SYT6: variants seen among roughly 807,000 people sequenced by gnomAD.
The protein encoded by SYT6 is synaptotagmin-6.
Under a neutral mutation model 38.4 loss-of-function variants are expected in SYT6, and 24 were observed. That is an observed-to-expected ratio of 0.62 (90% confidence interval 0.45 to 0.88). The LOEUF (loss-of-function observed/expected upper bound fraction) is 0.88, where lower values mean the gene tolerates loss of function less well. Ranked by LOEUF, SYT6 falls within the 40% of genes least tolerant of loss-of-function variation. SYT6 has a pLI of 0.00. For synonymous variants in SYT6, 265 were observed against 241.9 expected (o/e 1.10, Z -0.89); for missense variants, 611 against 621.0 (o/e 0.98, Z 0.17).
At chr1:114,111,780 G>C (rs1321676167) in intron 3 of SYT6, among the ~76,000 whole-genome samples, 1 of 61,336 alleles carries the variant, frequency 1.6e-5, no homozygotes, top group Non-Finnish European at 4.1e-5. Context: ...TGCAGGAGGA[G>C]AGTGGAGACT....
intron 3 of SYT6, among the ~76,000 whole-genome samples, chr1:114,111,936 C>T (rs185335497): frequency 6.6e-6 from 1 of 152,280 alleles, no homozygotes; most frequent in African/African-American, 2.4e-5. Flanking sequence ...TGATTCCCTG[C>T]TCCGCCTCAG....
chr1:114,099,167 C>T lies in SYT6; in HGVS notation c.1291G>A (p.Ala431Thr). ...TCCGGGGGAATGTCAAAGATGATGG[C>T]CTCATTGTAGACAGGATTGAGAGTG... Reference protein sequence around the residue: ...KNTLNPVYNEAIIFDIPPENM... With the variant: ...KNTLNPVYNETIIFDIPPENM... The change falls in exon 5 of 8, where the codon GCC (alanine) becomes ACC (threonine). Residue 431 changes from alanine (A) to threonine (T), a missense_variant. Ala to Thr is a moderately conservative substitution (Grantham distance 58, BLOSUM62 0). Transcript: ENST00000610222. 2 of 1,614,096 alleles carry T rather than the reference C, an allele frequency of 1.2e-6. No homozygotes were observed. The highest frequency in any genetic ancestry group is 1.7e-5 in the Admixed American group (1 of 60,026).
chr1:114,118,892 C>A (rs115934394), intron 3 of SYT6, among the ~76,000 whole-genome samples: 17 of 152,314 alleles, frequency 1.1e-4, no homozygotes, highest in African/African-American at 3.6e-4. Context: ...ACCCAGGCCC[C>A]TTTCTTCCAG....
At chr1:114,125,135 T>C (rs2101050593) in intron 3 of SYT6, among the ~76,000 whole-genome samples, 1 of 152,320 alleles carries the variant, frequency 6.6e-6, no homozygotes, top group South Asian at 2.1e-4. Context: ...GAAGAAAACA[T>C]AAAATATCTC....
intron 1 of SYT6, among the ~76,000 whole-genome samples, chr1:114,152,004 C>A (rs532104130): frequency 1.3e-5 from 2 of 152,258 alleles, no homozygotes; most frequent in South Asian, 2.1e-4. Flanking sequence ...GGGACAGCAG[C>A]GCCTCCTACG....
At chr1:114,150,486 T>G (rs1358264226) in intron 1 of SYT6, among the ~76,000 whole-genome samples, 1 of 152,060 alleles carries the variant, frequency 6.6e-6, no homozygotes, top group Non-Finnish European at 1.5e-5. Flanking sequence ...TCACATAAAT[T>G]TCATGGCCAC....
rs1301914476 is a variant in SYT6 at position 114,137,860 on chromosome 1, T to A, written c.706A>T (p.Ser236Cys). 1 of 1,613,884 alleles carries A rather than the reference T, an allele frequency of 6.2e-7. No homozygotes were observed. Among genetic ancestry groups the A allele is most frequent in the East Asian group, 2.2e-5 (1 of 44,866 alleles). ...TCGGTCTCGTAATCGTAGCGTAGGCTGAAGTTGATCTTCCCGCAGCTCTTG... is the reference window on the plus strand; with the variant it reads ...TCGGTCTCGTAATCGTAGCGTAGGCAGAAGTTGATCTTCCCGCAGCTCTTG... Reference protein sequence around the residue: ...ATKSCGKINFSLRYDYETETL... With the variant: ...ATKSCGKINFCLRYDYETETL... Residue 236 changes from serine (S) to cysteine (C), a missense_variant, in exon 3 of 8, where the codon AGC becomes TGC. Physicochemically the swap from Ser to Cys is moderately radical, Grantham distance 112 (BLOSUM62 -1). Coordinates refer to ENST00000610222, the MANE Select transcript of SYT6 (RefSeq NM_001253772.2).
Position 114,153,644 on chromosome 1 carries a change from C to A in SYT6, c.129G>T (p.Gln43His). The change falls in exon 1 of 8, where the codon CAG becomes CAT. Residue 43 changes from glutamine (Q) to histidine (H), a missense_variant. Transcript: ENST00000610222. Reference sequence around the variant, plus strand: ...CCGCGCTGGGACTCCGCTCTGGGGGCTGCAGCTCGAAGCTCCGACAAGTCT... The same window carrying A: ...CCGCGCTGGGACTCCGCTCTGGGGGATGCAGCTCGAAGCTCCGACAAGTCT... ...DVETCRSFEL[Q>H]PPERSPSAAG... 1 of 648,058 alleles carries A rather than the reference C, an allele frequency of 1.5e-6. No individual in the cohort carries two copies. The allele number at this position is 648,058 out of a possible 1,614,324, so 40.1% of individuals were successfully genotyped here.
Position 114,097,814 on chromosome 1 carries a change from C to T in SYT6, c.1428G>A (p.Arg476=), listed in dbSNP as rs1223441385. 3 of 1,614,046 alleles carry T rather than the reference C, an allele frequency of 1.9e-6. No homozygotes were observed. The highest frequency in any genetic ancestry group is 2.2e-5 in the East Asian group (1 of 44,856). Residue 476 remains arginine (R), a synonymous_variant, in exon 6 of 8, where the codon AGG becomes AGA. Transcript: ENST00000610222. The part of the protein sequence containing the change: ...RVGITAEGLG[R]DHWNEMLAYP... ...ATGCCAGCATCTCGTTCCAGTGGTCCCTGCCCAGGCCTTCAGCAGTGATCC... is the reference window on the plus strand; with the variant it reads ...ATGCCAGCATCTCGTTCCAGTGGTCTCTGCCCAGGCCTTCAGCAGTGATCC...
chr1:114,143,387 AAGT>A (rs1223985144), intron 1 of SYT6, among the ~76,000 whole-genome samples: 1 of 148,834 alleles, frequency 6.7e-6, no homozygotes, highest in African/African-American at 2.4e-5. Context: ...TATAGTATAA[AAGT>A]AGTATAGTAT....
At chr1:114,102,189 T>A (rs1676013810) in intron 4 of SYT6, among the ~76,000 whole-genome samples, 4 of 152,356 alleles carry the variant, frequency 2.6e-5, no homozygotes, top group South Asian at 4.1e-4. Flanking sequence ...GAGTCTTCAG[T>A]GAATTTTCTT....
rs1390498557 is a variant in SYT6 at position 114,146,401 on chromosome 1, C to T, written c.164-6438G>A. Among the ~76,000 whole-genome samples, 3 of 152,332 alleles carry T rather than the reference C, an allele frequency of 2.0e-5. No homozygotes were observed. The East Asian group carries it at 5.8e-4, about 29-fold the overall frequency. On this transcript the variant is annotated intron_variant, in intron 1 of 7. Transcript: ENST00000610222. ...GGCCCAGATAACCTAAGCTGTATGC[C>T]TTCCCACTCTGGGCTTGCTGGGGCC...
intron 3 of SYT6, among the ~76,000 whole-genome samples, chr1:114,131,110 G>A (rs193077753): frequency 1.3e-5 from 2 of 152,274 alleles, no homozygotes; most frequent in East Asian, 1.9e-4. Flanking sequence ...GGGCCAGTGA[G>A]GGACCTGCAT....
At chr1:114,113,308 T>G (rs1426460176) in intron 3 of SYT6, among the ~76,000 whole-genome samples, 1 of 152,190 alleles carries the variant, frequency 6.6e-6, no homozygotes, top group Non-Finnish European at 1.5e-5. Flanking sequence ...TGCCAGCCTC[T>G]TCTCCCATCC....
intron 6 of SYT6, among the ~76,000 whole-genome samples, chr1:114,096,357 C>T (rs1039645536): frequency 5.9e-5 from 9 of 152,170 alleles, no homozygotes; most frequent in Non-Finnish European, 1.3e-4. Flanking sequence ...AATCAAGGCA[C>T]CCACAAGACA....
chr1:114,132,194 A>G (rs756947137), intron 3 of SYT6, among the ~76,000 whole-genome samples: 3 of 152,216 alleles, frequency 2.0e-5, no homozygotes, highest in Non-Finnish European at 2.9e-5. Flanking sequence ...TGACCAGCGC[A>G]TCCCAGTAAA....
At chr1:114,131,444 A>G (rs908886936) in intron 3 of SYT6, among the ~76,000 whole-genome samples, 2 of 152,282 alleles carry the variant, frequency 1.3e-5, no homozygotes, top group South Asian at 2.1e-4. Flanking sequence ...GAGCAATCTC[A>G]TCTGACTCTG....
intron 1 of SYT6, among the ~76,000 whole-genome samples, chr1:114,144,498 C>A (rs902595074): frequency 1.3e-4 from 20 of 152,316 alleles, no homozygotes; most frequent in African/African-American, 4.6e-4. Flanking sequence ...CCTGACCTGT[C>A]TGTCTCTGGT....
chr1:114,105,588 G>A (rs1461843882), intron 3 of SYT6, among the ~76,000 whole-genome samples: 1 of 152,122 alleles, frequency 6.6e-6, no homozygotes, highest in African/African-American at 2.4e-5. Flanking sequence ...CGTGGCCTCC[G>A]CAGAGCCAGC....
Sources: gnomAD v4.1 joint callset for allele counts (sites outside exome capture counted in the v4.1 genomes callset) on GRCh38, gnomAD v4.1.1 for gene constraint, MANE v1.5 for transcripts, NCBI Gene and HGNC (gene_info 2026-07-23, HGNC 2026-07-21) for gene names.